Variants in ADCY8 observed in about 807,000 individuals in gnomAD.
The protein encoded by ADCY8 is adenylate cyclase type 8.
In ADCY8, 51 loss-of-function variants were observed where a neutral mutation model predicts 119.7. The ratio of observed to expected loss-of-function variants is 0.43; its 90% CI spans 0.34 to 0.54. The LOEUF is 0.54. Among genes scored for constraint, ADCY8 ranks in the 20% least tolerant of loss-of-function variants. The pLI, the probability that ADCY8 is intolerant of heterozygous loss-of-function variation, is 0.03. For synonymous variants in ADCY8, 665 were observed against 651.0 expected (o/e 1.02, Z -0.33); for missense variants, 1,383 against 1,598.8 (o/e 0.87, Z 2.30).
At position 131,040,388 on chromosome 8, in the gene ADCY8, G is replaced by T; in HGVS notation, c.-55C>A. ...AACCTTGGGGAGGCAGCCGGAGGAG[G>T]GGTTCCTAAAGACTCAAAGGCGGCC... On this transcript the variant is annotated 5_prime_UTR_variant, in exon 1 of 18. Transcript: ENST00000286355. 7.0e-7 allele frequency: 1 copy of T among 1,435,744 alleles called. No homozygotes were observed. The highest frequency in any genetic ancestry group is 2.6e-5 in the Admixed American group (1 of 37,768). 88.9% of individuals were successfully genotyped at this position (1,435,744 alleles called of 1,614,324 possible). A position where few individuals can be genotyped will look rare whatever the true frequency, so the allele number is the denominator to read the frequency against.
At position 130,918,935 on chromosome 8, in the gene ADCY8, C is replaced by G. The variant is rs143272994; in HGVS notation, c.1482-9069G>C. Among the ~76,000 whole-genome samples the G allele has an allele frequency of 3.7e-3, 569 of 152,312 alleles. 6 individuals carry two copies. Among genetic ancestry groups the G allele is most frequent in the African/African-American group, 0.012 (514 of 41,570 alleles). ...AATTAGCTGGGCATGGTGGCACACG[C>G]CTGTAGTCCCAGCTTCTCAGGAGTA... On this transcript the variant is annotated intron_variant, in intron 5 of 17. Coordinates refer to ENST00000286355, the MANE Select transcript of ADCY8 (RefSeq NM_001115.3).
At chr8:130,794,857 A>G (rs1301830994) in intron 15 of ADCY8, among the ~76,000 whole-genome samples, 3 of 152,224 alleles carry the variant, frequency 2.0e-5, no homozygotes, top group East Asian at 3.9e-4. Flanking sequence ...GGGATTAAAT[A>G]ACTTGCTTAA....
intron 7 of ADCY8, among the ~76,000 whole-genome samples, chr8:130,885,313 A>G (rs2130464488): frequency 6.6e-6 from 1 of 152,006 alleles, no homozygotes; most frequent in East Asian, 1.9e-4. Flanking sequence ...TAAATTTTTT[A>G]CTTCGCTAAT....
At chr8:130,795,385 C>A (rs1220671831) in intron 15 of ADCY8, among the ~76,000 whole-genome samples, 2 of 152,190 alleles carry the variant, frequency 1.3e-5, no homozygotes, top group African/African-American at 4.8e-5. Flanking sequence ...CACATGAGAG[C>A]AATAGCAGAA....
intron 12 of ADCY8, among the ~76,000 whole-genome samples, chr8:130,823,552 T>C (rs943394502): frequency 1.3e-5 from 2 of 152,202 alleles, no homozygotes; most frequent in African/African-American, 4.8e-5. Flanking sequence ...GTCATCTCTT[T>C]ATGCTAATAG....
intron 3 of ADCY8, 35 bp from the exon 4 acceptor site, chr8:130,943,497 G>GGGCCCCCCCCCCCCCACC: frequency 2.0e-6 from 1 of 491,356 alleles, no homozygotes; most frequent in Non-Finnish European, 4.2e-6. Context: ...GTGGGGGGAG[G>GGGCCCCCCCCCCCCCACC]AAGTATATTA....
intron 2 of ADCY8, among the ~76,000 whole-genome samples, chr8:130,953,117 C>T (rs1172251764): frequency 2.0e-5 from 3 of 152,088 alleles, no homozygotes; most frequent in African/African-American, 7.2e-5. Flanking sequence ...ACATGGTTTA[C>T]TTGGTTACGT....
chr8:130,798,885 C>T (rs922076335), intron 15 of ADCY8, among the ~76,000 whole-genome samples: 18 of 152,158 alleles, frequency 1.2e-4, no homozygotes, highest in South Asian at 2.1e-4. Context: ...CACACACACA[C>T]GCATGCACAC....
At chr8:130,973,085 T>G (rs1821971798) in intron 2 of ADCY8, among the ~76,000 whole-genome samples, 1 of 152,234 alleles carries the variant, frequency 6.6e-6, no homozygotes, top group South Asian at 2.1e-4. Context: ...CTTGCCTCTT[T>G]GACAAGTCAC....
intron 7 of ADCY8, among the ~76,000 whole-genome samples, chr8:130,891,073 A>C (rs919037502): frequency 1.3e-5 from 2 of 152,132 alleles, no homozygotes; most frequent in Admixed American, 1.3e-4. Context: ...TTCAGGCTGG[A>C]ATCTTCATTC....
chr8:130,897,733 C>T (rs948887043), intron 7 of ADCY8, among the ~76,000 whole-genome samples: 4 of 630 alleles, frequency 6.3e-3, no homozygotes, highest in African/African-American at 0.021. Context: ...CACACACATA[C>T]AACACATGCA....
chr8:130,869,631 C>A (rs1818263768), intron 8 of ADCY8, among the ~76,000 whole-genome samples: 1 of 151,408 alleles, frequency 6.6e-6, no homozygotes, highest in South Asian at 2.1e-4. Flanking sequence ...CATTCTCCTG[C>A]CTCAGCCTCC....
chr8:130,813,803 A>G (rs144977435), intron 14 of ADCY8, among the ~76,000 whole-genome samples: 2 of 152,262 alleles, frequency 1.3e-5, no homozygotes, highest in African/African-American at 4.8e-5. Context: ...ATATATATAC[A>G]TATATATACA....
intron 4 of ADCY8, among the ~76,000 whole-genome samples, chr8:130,941,218 C>T (rs1357635972): frequency 1.3e-5 from 2 of 152,190 alleles, no homozygotes; most frequent in East Asian, 1.9e-4. Flanking sequence ...GGCCTCTTCT[C>T]GTCAGACACA....
At chr8:130,980,453 G>A (rs1195595842) in intron 2 of ADCY8, among the ~76,000 whole-genome samples, 2 of 152,140 alleles carry the variant, frequency 1.3e-5, no homozygotes, top group Admixed American at 1.3e-4. Flanking sequence ...AGTGATGCAG[G>A]AGAGAAATGG....
At chr8:130,842,580 A>G (rs567744298) in intron 11 of ADCY8, among the ~76,000 whole-genome samples, 162 of 152,258 alleles carry the variant, frequency 1.1e-3, no homozygotes, top group Middle Eastern at 0.01. Context: ...AGTTATAGCA[A>G]TTATTTGCCT....
At chr8:130,912,123 T>C (rs1028982988) in intron 5 of ADCY8, among the ~76,000 whole-genome samples, 3 of 152,210 alleles carry the variant, frequency 2.0e-5, no homozygotes, top group Non-Finnish European at 4.4e-5. Flanking sequence ...GGTTTAACTC[T>C]GGCCAGTAAG....
At chr8:130,955,655 A>G (rs1268306607) in intron 2 of ADCY8, among the ~76,000 whole-genome samples, 1 of 152,254 alleles carries the variant, frequency 6.6e-6, no homozygotes, top group Non-Finnish European at 1.5e-5. Context: ...TGTTGCTACC[A>G]TACATTATGC....
chr8:131,005,552 C>T (rs897252248), intron 1 of ADCY8, among the ~76,000 whole-genome samples: 1 of 152,186 alleles, frequency 6.6e-6, no homozygotes, highest in African/African-American at 2.4e-5. Context: ...TTCTGTGTCC[C>T]ACTCTTTGCC....
Sources: gnomAD v4.1 joint callset for allele counts (sites outside exome capture counted in the v4.1 genomes callset) on GRCh38, gnomAD v4.1.1 for gene constraint, MANE v1.5 for transcripts, NCBI Gene and HGNC (gene_info 2026-07-23, HGNC 2026-07-21) for gene names.